Variants in FALEC observed in about 807,000 individuals in gnomAD.
The protein encoded by FALEC is focally amplified lncRNA regulator of ECM1.
downstream of FALEC, among the ~76,000 whole-genome samples, chr1:150,519,947 G>A (rs1670617333): frequency 6.6e-6 from 1 of 152,146 alleles, no homozygotes; most frequent in Non-Finnish European, 1.5e-5. Flanking sequence ...GAGGTCGGGA[G>A]TTCGAGACCA....
chr1:150,531,967 C>T, the FALEC span, among the ~76,000 whole-genome samples: 1 of 152,216 alleles, frequency 6.6e-6, no homozygotes. Flanking sequence ...TGCAGTGGCA[C>T]GATCTTGGCT....
chr1:150,533,778 A>G, the FALEC span, among the ~76,000 whole-genome samples: 2 of 152,086 alleles, frequency 1.3e-5, no homozygotes, highest in Non-Finnish European at 2.9e-5. Flanking sequence ...AAGAACCCAG[A>G]GCTTTTATCA....
chr1:150,521,081 G>A (rs113872537), downstream of FALEC, among the ~76,000 whole-genome samples: 7,183 of 152,074 alleles, frequency 0.047, 430 homozygotes, highest in African/African-American at 0.13. Flanking sequence ...GATTACAGGC[G>A]TGAGCCACCA....
At chr1:150,530,692 C>T in the FALEC span, among the ~76,000 whole-genome samples, 2 of 152,172 alleles carry the variant, frequency 1.3e-5, no homozygotes, top group East Asian at 1.9e-4. Flanking sequence ...CTCTACGGGC[C>T]GAAGCACTGA....
downstream of FALEC, among the ~76,000 whole-genome samples, chr1:150,522,632 A>C (rs893004695): frequency 7.9e-5 from 12 of 151,606 alleles, no homozygotes; most frequent in Non-Finnish European, 1.5e-4. Flanking sequence ...AAAAAAAAAA[A>C]AAAACAAGAA....
the FALEC span, among the ~76,000 whole-genome samples, chr1:150,527,552 C>T: frequency 6.6e-6 from 1 of 152,184 alleles, no homozygotes; most frequent in African/African-American, 2.4e-5. Flanking sequence ...GGCCACTGTG[C>T]CTGGCCAAAA....
the FALEC span, among the ~76,000 whole-genome samples, chr1:150,526,349 CAA>C: frequency 7.4e-4 from 46 of 61,786 alleles, 1 homozygote; most frequent in Non-Finnish European, 1.1e-3. Flanking sequence ...AACTCCGTCT[CAA>C]AAAAAAAAAA....
chr1:150,516,270 G>T (rs1372816390), intron 1 of FALEC, among the ~76,000 whole-genome samples: 1 of 152,116 alleles, frequency 6.6e-6, no homozygotes, highest in Admixed American at 6.5e-5. Flanking sequence ...GAGCGGGGGG[G>T]CTTTGGTCTG....
At chr1:150,518,234 ATTC>A (rs1570891084), downstream of FALEC, among the ~76,000 whole-genome samples, 2 of 152,182 alleles carry the variant, frequency 1.3e-5, no homozygotes, top group Admixed American at 6.5e-5. Flanking sequence ...CCCTCCAACT[ATTC>A]TTCTTCCCAT....
the FALEC span, among the ~76,000 whole-genome samples, chr1:150,524,124 C>G: frequency 6.6e-6 from 1 of 152,148 alleles, no homozygotes; most frequent in African/African-American, 2.4e-5. Flanking sequence ...TTGTTTTACG[C>G]TGCTAGATTT....
At chr1:150,529,016 C>CA in the FALEC span, among the ~76,000 whole-genome samples, 460 of 59,268 alleles carry the variant, frequency 7.8e-3, 14 homozygotes, top group South Asian at 0.072. Flanking sequence ...AAATAAATAG[C>CA]AAAAAAAAAA....
chr1:150,535,397 C>T, the FALEC span, among the ~76,000 whole-genome samples: 1 of 152,164 alleles, frequency 6.6e-6, no homozygotes, highest in Non-Finnish European at 1.5e-5. Flanking sequence ...GCGCCCGCCA[C>T]CACGCCTGGC....
intron 1 of FALEC, among the ~76,000 whole-genome samples, chr1:150,516,828 T>C (rs926036318): frequency 1.3e-5 from 2 of 152,036 alleles, no homozygotes; most frequent in Non-Finnish European, 2.9e-5. Context: ...TTAGGCAGAG[T>C]GCTAAAAGTA....
the FALEC span, among the ~76,000 whole-genome samples, chr1:150,535,610 G>A: frequency 6.6e-6 from 1 of 152,146 alleles, no homozygotes; most frequent in Non-Finnish European, 1.5e-5. Flanking sequence ...ACTTATGGTG[G>A]GCCAGGCACT....
At chr1:150,530,583 C>T in the FALEC span, among the ~76,000 whole-genome samples, 1 of 152,154 alleles carries the variant, frequency 6.6e-6, no homozygotes, top group Non-Finnish European at 1.5e-5. Flanking sequence ...ATTCAGGCTC[C>T]TCATCTTGAT....
At chr1:150,530,733 G>T in the FALEC span, among the ~76,000 whole-genome samples, 82 of 152,292 alleles carry the variant, frequency 5.4e-4, 1 homozygote, top group Admixed American at 4.6e-3. Context: ...CCAAACGGAG[G>T]CCCGCAACAC....
the FALEC span, among the ~76,000 whole-genome samples, chr1:150,532,092 A>T: frequency 6.6e-6 from 1 of 152,184 alleles, no homozygotes; most frequent in Non-Finnish European, 1.5e-5. Flanking sequence ...TATTTTTAGT[A>T]GAGACAGGGT....
chr1:150,519,098 A>G (rs587667821), downstream of FALEC, among the ~76,000 whole-genome samples: 73 of 152,258 alleles, frequency 4.8e-4, no homozygotes, highest in Admixed American at 7.2e-4. Flanking sequence ...CAAAACATAA[A>G]TGTATTATAG....
downstream of FALEC, among the ~76,000 whole-genome samples, chr1:150,522,984 T>TATATATA (rs1438355450): frequency 2.3e-5 from 1 of 44,198 alleles, no homozygotes; most frequent in African/African-American, 9.4e-5. Context: ...TATATATATA[T>TATATATA]TTTTTTTTTT....
Sources: gnomAD v4.1 joint callset for allele counts (sites outside exome capture counted in the v4.1 genomes callset) on GRCh38, gnomAD v4.1.1 for gene constraint, MANE v1.5 for transcripts, NCBI Gene and HGNC (gene_info 2026-07-23, HGNC 2026-07-21) for gene names.